Variants in CACNA1C observed in about 807,000 individuals in gnomAD.
CACNA1C encodes the protein voltage-dependent L-type calcium channel subunit alpha-1C.
CACNA1C carries 30 observed loss-of-function variants against 229.0 expected under a neutral mutation model. That is an observed-to-expected ratio of 0.13 (90% CI 0.10 to 0.18). The LOEUF (loss-of-function observed/expected upper bound fraction) is 0.18. Ranked by LOEUF, CACNA1C falls within the 10% of genes least tolerant of loss-of-function variation. The probability of loss-of-function intolerance (pLI) is 1.00; values close to 1 mark genes in which losing one functional copy is unlikely to be tolerated. For synonymous variants in CACNA1C, 1,114 were observed against 1,132.5 expected, an observed-to-expected ratio of 0.98 and a Z score of 0.33; for missense variants, 1,658 against 2,845.0, an observed-to-expected ratio of 0.58 and a Z score of 9.49.
At position 2,157,529 on chromosome 12, in the gene CACNA1C, G is replaced by A. The variant is rs542236442; in HGVS notation, c.477+37099G>A. ...CTGTCCCATAAGCCTGTACTCTCTA[G>A]GCAGAAGATCTGCGTGGCTTTCCCT... On this transcript the variant is annotated intron_variant, in intron 3 of 46. Transcript: ENST00000399655. Among the ~76,000 whole-genome samples, 3 of 152,334 alleles carry A rather than the reference G, an allele frequency of 2.0e-5. No individual in the cohort carries two copies. In the East Asian group the frequency reaches 5.8e-4, roughly 29 times the overall value.
At chr12:2,046,348 TA>T (rs1464278257) in intron 1 of CACNA1C, among the ~76,000 whole-genome samples, 2 of 152,142 alleles carry the variant, frequency 1.3e-5, no homozygotes, top group East Asian at 3.9e-4. Context: ...CCTTAACAAG[TA>T]ATGAAGGTAC....
At chr12:2,435,185 G>C (rs1472953753) in intron 3 of CACNA1C, among the ~76,000 whole-genome samples, 1 of 152,160 alleles carries the variant, frequency 6.6e-6, no homozygotes, top group East Asian at 1.9e-4. Context: ...ACCTTGACCA[G>C]GACCCCATTG....
chr12:2,578,612 G>A (rs111303327), intron 13 of CACNA1C, among the ~76,000 whole-genome samples: 2,823 of 152,264 alleles, frequency 0.019, 89 homozygotes, highest in African/African-American at 0.064. Context: ...TGAAGATGGC[G>A]CAGAAGGATT....
intron 3 of CACNA1C, among the ~76,000 whole-genome samples, chr12:2,264,489 A>G (rs1182190977): frequency 6.6e-6 from 1 of 152,232 alleles, no homozygotes; most frequent in Non-Finnish European, 1.5e-5. Context: ...GACTTGTCCA[A>G]GTTAGAAGCT....
intron 1 of CACNA1C, among the ~76,000 whole-genome samples, chr12:2,068,169 A>G (rs1388374087): frequency 1.3e-5 from 2 of 152,206 alleles, no homozygotes; most frequent in Non-Finnish European, 2.9e-5. Context: ...AAAGGATGTG[A>G]GTCTTTGATG....
At chr12:2,514,983 C>T (rs1439390886) in intron 9 of CACNA1C, among the ~76,000 whole-genome samples, 1 of 152,248 alleles carries the variant, frequency 6.6e-6, no homozygotes, top group Non-Finnish European at 1.5e-5. Flanking sequence ...ACCCAATAGA[C>T]AGTCTCGCTA....
At chr12:2,325,784 G>A (rs1392675751) in intron 3 of CACNA1C, among the ~76,000 whole-genome samples, 2 of 152,244 alleles carry the variant, frequency 1.3e-5, no homozygotes, top group Non-Finnish European at 2.9e-5. Context: ...ACAAGGTGGT[G>A]GTGTTCTGTA....
intron 3 of CACNA1C, among the ~76,000 whole-genome samples, chr12:2,233,461 G>C (rs568577496): frequency 3.5e-4 from 53 of 152,308 alleles, no homozygotes; most frequent in Middle Eastern, 3.4e-3. Flanking sequence ...GCGTCTAGGA[G>C]ACATTACTCC....
In CACNA1C at chr12:2,099,372, G is replaced by A. The variant is rs1481147440; in HGVS notation, c.50-15852G>A. ...CCAGAGCTTAGGCTGGAGTTGAGAC[G>A]GCTGCCGAGAGGTGTGCTGAGTTCT... On this transcript the variant is annotated intron_variant, in intron 1 of 46. Transcript: ENST00000399655. 2.6e-5 allele frequency among the ~76,000 whole-genome samples: 4 copies of A among 152,186 alleles called. No homozygotes were observed. In the South Asian group the frequency reaches 6.2e-4, roughly 24 times the overall value.
At chr12:2,094,964 G>A (rs755254814) in intron 1 of CACNA1C, among the ~76,000 whole-genome samples, 1 of 152,140 alleles carries the variant, frequency 6.6e-6, no homozygotes, top group Non-Finnish European at 1.5e-5. Context: ...GAACTTAGTC[G>A]ATGGCTGCAC....
chr12:2,011,878 G>T (rs779165510), intron 1 of CACNA1C, among the ~76,000 whole-genome samples: 8 of 152,202 alleles, frequency 5.3e-5, no homozygotes, highest in Non-Finnish European at 1.0e-4. Flanking sequence ...GGCTCTCGCT[G>T]TAGATTGCTA....
At chr12:1,993,960 G>A (rs2040182354) in intron 1 of CACNA1C, among the ~76,000 whole-genome samples, 1 of 152,160 alleles carries the variant, frequency 6.6e-6, no homozygotes, top group Admixed American at 6.5e-5. Context: ...ACATAACAGT[G>A]CAAAGGGCAG....
rs11062318 is a variant in CACNA1C, at chr12:2,689,600, G to A, written c.6117+821G>A. ...AGTGAGCCCCCCATCATCAGACATA[G>A]CCAAGCAGAGACTGTGCTCATCCGG... On this transcript the variant is annotated intron_variant, in intron 46 of 46. Transcript: ENST00000399655. The surrounding 1 kb of genome is among the most constrained non-coding windows in gnomAD (Gnocchi z 4.2). 0.07 allele frequency among the ~76,000 whole-genome samples: 10,673 copies of A among 151,932 alleles called. 496 individuals are homozygous for A. Among genetic ancestry groups the A allele is most frequent in the East Asian group, 0.15 (753 of 5,100 alleles).
intron 3 of CACNA1C, among the ~76,000 whole-genome samples, chr12:2,290,113 T>C (rs919303190): frequency 6.6e-6 from 1 of 152,240 alleles, no homozygotes; most frequent in Non-Finnish European, 1.5e-5. Context: ...TGGGCATTTA[T>C]GGCCAAACTG....
Position 2,080,549 on chromosome 12 carries a change from C to T in CACNA1C, c.49+26938C>T, listed in dbSNP as rs1200838321. On this transcript the variant is annotated intron_variant, in intron 1 of 46. Coordinates refer to ENST00000399655, the MANE Select transcript of CACNA1C (RefSeq NM_000719.7). Reference sequence around the variant, plus strand: ...CCGGGAGGCGGAGCTTGCAGTGAGCCAAGATCGCGCCACTGCACTCCAGCA... The same window carrying T: ...CCGGGAGGCGGAGCTTGCAGTGAGCTAAGATCGCGCCACTGCACTCCAGCA... 4.0e-5 allele frequency among the ~76,000 whole-genome samples: 6 copies of T among 148,966 alleles called. No individual in the cohort carries two copies. The East Asian group carries it at 1.2e-3, about 30-fold the overall frequency.
intron 3 of CACNA1C, among the ~76,000 whole-genome samples, chr12:2,187,732 G>A (rs976531401): frequency 1.3e-5 from 2 of 152,234 alleles, no homozygotes; most frequent in Admixed American, 1.3e-4. Context: ...TTGGTTTGTG[G>A]GGTCCCTGCC....
At chr12:2,242,330 A>C (rs1212669507) in intron 3 of CACNA1C, among the ~76,000 whole-genome samples, 2 of 152,208 alleles carry the variant, frequency 1.3e-5, no homozygotes, top group Admixed American at 1.3e-4. Context: ...CAATGCAAGG[A>C]TAATGAAAAC....
At chr12:2,341,970 C>T (rs763757189) in intron 3 of CACNA1C, among the ~76,000 whole-genome samples, 64 of 152,334 alleles carry the variant, frequency 4.2e-4, no homozygotes, top group Non-Finnish European at 7.6e-4. Flanking sequence ...GTGTTAACCC[C>T]ATGCTGCTTG....
chr12:2,106,727 CGTCCTG>C (rs2078922308), intron 1 of CACNA1C, among the ~76,000 whole-genome samples: 1 of 114,150 alleles, frequency 8.8e-6, no homozygotes, highest in African/African-American at 3.5e-5. Flanking sequence ...CTCAGCTGGG[CGTCCTG>C]AAGCCACTGG....
Sources: allele counts gnomAD v4.1 joint callset (sites outside exome capture counted in the v4.1 genomes callset), GRCh38; gene constraint gnomAD v4.1.1; non-coding constraint Gnocchi (gnomAD v3.1); transcripts MANE v1.5; gene names NCBI Gene and HGNC (gene_info 2026-07-23, HGNC 2026-07-21).